SCRN1: variants seen among roughly 807,000 people sequenced by gnomAD.
SCRN1 encodes secernin 1, also known as secernin-1.
SCRN1 carries 19 observed loss-of-function variants against 43.3 expected under a neutral mutation model. The observed-to-expected ratio is 0.44, with a 90% CI of 0.31 to 0.64. SCRN1 has a LOEUF of 0.64. SCRN1 is among the 30% of genes least tolerant of loss of function. The pLI, the probability that SCRN1 is intolerant of heterozygous loss-of-function variation, is 0.09. For synonymous variants in SCRN1, 183 were observed against 188.9 expected (o/e 0.97, Z 0.26); for missense variants, 447 against 524.1 (o/e 0.85, Z 1.44).
At chr7:29,989,065 G>A (rs1789265125) in intron 1 of SCRN1, 2 of 152,000 alleles carry the variant, frequency 1.3e-5, no homozygotes, top group African/African-American at 4.8e-5. Context: ...CGCGGCCCGC[G>A]GAGAACCCAG....
chr7:29,944,834 C>T (rs1787680403), intron 3 of SCRN1, among the ~76,000 whole-genome samples: 1 of 152,066 alleles, frequency 6.6e-6, no homozygotes, highest in South Asian at 2.1e-4. Context: ...CAGAGCTGGC[C>T]ACCTCAGCTC....
chr7:29,940,071 G>A (rs1159873691), intron 5 of SCRN1, among the ~76,000 whole-genome samples: 1 of 152,126 alleles, frequency 6.6e-6, no homozygotes, highest in Admixed American at 6.6e-5. Context: ...AGCTGAGGGA[G>A]GATCGCTTGA....
chr7:29,931,759 G>A (rs998508165), intron 6 of SCRN1, among the ~76,000 whole-genome samples: 3 of 152,202 alleles, frequency 2.0e-5, no homozygotes, highest in African/African-American at 7.2e-5. Context: ...AGGAGAGTTA[G>A]CACAGAAAGA....
At position 29,940,761 on chromosome 7, in the gene SCRN1, G is replaced by T. The variant is rs1229553018; in HGVS notation, c.660C>A (p.Phe220Leu). The change falls in exon 5 of 8, where the codon TTC becomes TTA. Residue 220 changes from phenylalanine (F) to leucine (L), a missense_variant. Transcript: ENST00000242059. ...SQGWWTGEGEFNFSEVFSPVE... is the reference protein window; with the variant it reads ...SQGWWTGEGELNFSEVFSPVE... ...CTGGAGAAAAGACTTCGGAAAAATT[G>T]AACTCGCCCTCTCCCGTCCACCAAC... The T allele has an allele frequency of 2.5e-6, 4 of 1,609,418 alleles. No individual in the cohort carries two copies. The Admixed American group carries it at 5.1e-5, about 21-fold the overall frequency.
At chr7:29,979,642 A>C (rs958659122) in intron 1 of SCRN1, among the ~76,000 whole-genome samples, 1 of 152,226 alleles carries the variant, frequency 6.6e-6, no homozygotes, top group Non-Finnish European at 1.5e-5. Flanking sequence ...CCCGCTGTGC[A>C]TTCAAAATAT....
intron 1 of SCRN1, among the ~76,000 whole-genome samples, chr7:29,983,649 C>A (rs987954891): frequency 6.6e-6 from 1 of 152,040 alleles, no homozygotes; most frequent in Admixed American, 6.6e-5. Context: ...TCTTGAGGTC[C>A]ATCTGCAAAG....
chr7:29,950,027 G>A lies in SCRN1; in HGVS notation c.341+5152C>T, dbSNP rs182336464. 2.1e-4 allele frequency among the ~76,000 whole-genome samples: 32 copies of A among 152,304 alleles called. No homozygotes were observed. The highest frequency in any genetic ancestry group is 6.7e-4 in the African/African-American group (28 of 41,572). On this transcript the variant is annotated intron_variant, in intron 3 of 7. Coordinates refer to ENST00000242059, the MANE Select transcript of SCRN1 (RefSeq NM_014766.5). The surrounding 1 kb of genome is among the most constrained non-coding windows in gnomAD (Gnocchi z 4.5). ...GCAGGGTCTGGGTTGCGTGCTTTGC[G>A]AGGCTGGTGGGAGCCCCACCCCCTA...
intron 1 of SCRN1, among the ~76,000 whole-genome samples, chr7:29,975,440 T>C (rs1320205281): frequency 6.6e-6 from 1 of 152,188 alleles, no homozygotes; most frequent in Non-Finnish European, 1.5e-5. Flanking sequence ...TGTGGGTGTA[T>C]CCAAAACAGT....
At chr7:29,941,425 T>C (rs1787549788) in intron 4 of SCRN1, among the ~76,000 whole-genome samples, 1 of 152,206 alleles carries the variant, frequency 6.6e-6, no homozygotes, top group African/African-American at 2.4e-5. Flanking sequence ...AATCAAATAC[T>C]TCATTCAACT....
chr7:29,943,660 A>G (rs965459419), intron 4 of SCRN1, among the ~76,000 whole-genome samples: 9 of 152,218 alleles, frequency 5.9e-5, no homozygotes, highest in African/African-American at 2.2e-4. Flanking sequence ...ACACAAGAAG[A>G]GTCACCATTC....
At chr7:29,929,383 T>C (rs903633899) in intron 6 of SCRN1, among the ~76,000 whole-genome samples, 1 of 152,318 alleles carries the variant, frequency 6.6e-6, no homozygotes, top group Middle Eastern at 3.4e-3. Flanking sequence ...GCAGGCCCCA[T>C]GCAATGCTAC....
At chr7:29,947,290 A>C (rs1394315511) in intron 3 of SCRN1, 1 of 1,550,764 alleles carries the variant, frequency 6.4e-7, no homozygotes, top group Non-Finnish European at 8.7e-7. Flanking sequence ...TGTCAAGCTC[A>C]CCCTGCCCGT....
Position 29,961,780 on chromosome 7 carries a change from A to AC in SCRN1, c.160-6421dup, listed in dbSNP as rs1334556795. Among the ~76,000 whole-genome samples, 14 of 140,540 alleles carry AC rather than the reference A, an allele frequency of 1.0e-4. No homozygotes were observed. In the Middle Eastern group the frequency reaches 0.015, roughly 148 times the overall value. The allele number at this position is 140,540 out of a possible 152,430, so 92.2% of individuals were successfully genotyped here. On this transcript the variant is annotated intron_variant, in intron 2 of 7. Coordinates refer to ENST00000242059, the MANE Select transcript of SCRN1 (RefSeq NM_014766.5). ...GGGCGGCTGGCCGGGCAGGGGGCTGACCCCCCCACCTCCCTCCCGGACGGA... is the reference window on the plus strand; with the variant it reads ...GGGCGGCTGGCCGGGCAGGGGGCTGACCCCCCCCACCTCCCTCCCGGACGGA...
intron 1 of SCRN1, among the ~76,000 whole-genome samples, chr7:29,982,286 CATACAT>C (rs1789012490): frequency 6.6e-6 from 1 of 152,254 alleles, no homozygotes; most frequent in African/African-American, 2.4e-5. Context: ...CATGCTAAGT[CATACAT>C]ATACATATAT....
At chr7:29,963,627 A>G (rs1173576869) in intron 2 of SCRN1, among the ~76,000 whole-genome samples, 1 of 127,286 alleles carries the variant, frequency 7.9e-6, no homozygotes, top group Non-Finnish European at 1.6e-5. Context: ...CTATGACCCA[A>G]TGATGCTACA....
chr7:29,930,177 TAATA>T (rs1787110624), intron 6 of SCRN1, among the ~76,000 whole-genome samples: 1 of 151,624 alleles, frequency 6.6e-6, no homozygotes. Context: ...ATTATATAAC[TAATA>T]AATAAGGTTA....
intron 6 of SCRN1, among the ~76,000 whole-genome samples, chr7:29,928,194 A>T (rs1378140046): frequency 1.3e-5 from 2 of 152,162 alleles, no homozygotes. Flanking sequence ...GGGAGCCAAT[A>T]ACCCTTGCCA....
At chr7:29,935,220 TC>T (rs1183464091) in intron 6 of SCRN1, among the ~76,000 whole-genome samples, 2 of 152,208 alleles carry the variant, frequency 1.3e-5, no homozygotes, top group Non-Finnish European at 2.9e-5. Flanking sequence ...CGCAGTCAGG[TC>T]TGGTTAGAAA....
chr7:29,949,861 A>C (rs1442242575), intron 3 of SCRN1, among the ~76,000 whole-genome samples: 1 of 151,710 alleles, frequency 6.6e-6, no homozygotes, highest in Non-Finnish European at 1.5e-5. Flanking sequence ...TGTTTTGTAG[A>C]AACAGGCTTT....
Sources: allele counts gnomAD v4.1 joint callset (sites outside exome capture counted in the v4.1 genomes callset), GRCh38; gene constraint gnomAD v4.1.1; non-coding constraint Gnocchi (gnomAD v3.1); transcripts MANE v1.5; gene names NCBI Gene and HGNC (gene_info 2026-07-23, HGNC 2026-07-21).